The following HPGD variants were observed in gnomAD, a reference collection of about 807,000 sequenced individuals.
The protein encoded by HPGD is 15-hydroxyprostaglandin dehydrogenase [NAD(+)].
Under a neutral mutation model 30.0 loss-of-function variants are expected in HPGD, and 29 were observed. That is an observed-to-expected ratio of 0.97 (90% CI 0.72 to 1.32). HPGD has a LOEUF of 1.32. Among genes scored for constraint, HPGD ranks in the 40% most tolerant of loss-of-function variants. The pLI, the probability that HPGD is intolerant of heterozygous loss-of-function variation, is 0.00. For synonymous variants in HPGD, 99 were observed against 112.4 expected (o/e 0.88, Z 0.75); for missense variants, 340 against 322.1 (o/e 1.06, Z -0.43).
chr4:174,505,361 GA>G (rs45559340), intron 4 of HPGD, among the ~76,000 whole-genome samples: 6 of 150,944 alleles, frequency 4.0e-5, no homozygotes, highest in South Asian at 4.2e-4. Context: ...AGAAAAACAG[GA>G]AAAAAAAATC....
chr4:174,490,946 C>A lies in HPGD; in HGVS notation c.*1010G>T, dbSNP rs577623157. The stretch of plus-strand genomic sequence containing the variant: ...ATAGCTGACAACAAAAAAAGCAAAA[C>A]CTCACAGCTATTTTTATGTCTGTGT... On this transcript the variant is annotated 3_prime_UTR_variant, in exon 7 of 7. Coordinates refer to ENST00000296522, the MANE Select transcript of HPGD (RefSeq NM_000860.6). This position sits in a 1 kb window ranked among gnomAD's most constrained non-coding sequence, Gnocchi z 4.4. 5 of 152,308 alleles carry A rather than the reference C, an allele frequency of 3.3e-5. No homozygotes were observed. The East Asian group carries it at 9.4e-4, about 29-fold the overall frequency. The allele number at this position is 152,308 out of a possible 1,614,324, so 9.4% of individuals were successfully genotyped here.
Position 174,502,444 on chromosome 4 carries a change from C to T in HPGD, c.421+6252G>A, listed in dbSNP as rs559066055. On this transcript the variant is annotated intron_variant, in intron 4 of 6. Transcript: ENST00000296522. ...CTGTAATCCCAGCACTTTGGGAGGC[C>T]GAGGTGGGCGGATCACGAGGTCAGG... Among the ~76,000 whole-genome samples, 5 of 151,976 alleles carry T rather than the reference C, an allele frequency of 3.3e-5. 1 individual carries two copies. In the South Asian group the frequency reaches 8.3e-4, roughly 25 times the overall value.
chr4:174,504,637 G>A lies in HPGD; in HGVS notation c.421+4059C>T, dbSNP rs45616940. On this transcript the variant is annotated intron_variant, in intron 4 of 6. Coordinates refer to ENST00000296522, the MANE Select transcript of HPGD (RefSeq NM_000860.6). ...AGCCTGGCTAGCATGATGAAATCCC[G>A]TTTCTACTAAAAATACAAAAAAAAA... Among the ~76,000 whole-genome samples the A allele has an allele frequency of 4.2e-3, 629 of 148,876 alleles. 7 individuals are homozygous for A. The highest frequency in any genetic ancestry group is 0.015 in the African/African-American group (599 of 39,884).
chr4:174,502,476 T>A (rs12640361), intron 4 of HPGD, among the ~76,000 whole-genome samples: 20,000 of 151,878 alleles, frequency 0.13, 1,692 homozygotes, highest in East Asian at 0.18. Flanking sequence ...CAGGAGATGG[T>A]GACCATCCTG....
At chr4:174,519,889 G>A (rs1275603735) in intron 2 of HPGD, among the ~76,000 whole-genome samples, 1 of 152,094 alleles carries the variant, frequency 6.6e-6, no homozygotes, top group African/African-American at 2.4e-5. Flanking sequence ...TGAAAGTCTC[G>A]ATCTCCTGAC....
Position 174,495,530 on chromosome 4 carries a change from C to A in HPGD, c.498+18G>T. The A allele has an allele frequency of 6.4e-7, 1 of 1,568,852 alleles. No homozygotes were observed. Among genetic ancestry groups the A allele is most frequent in the Non-Finnish European group, 8.8e-7 (1 of 1,138,862 alleles). On this transcript the variant is annotated intron_variant, in intron 5 of 6. Transcript: ENST00000296522. ...TGTACAAAGAGAAAATGAGATATGA[C>A]GGTTGTTGTAGCCTCACCGCTGCTG...
intron 3 of HPGD, among the ~76,000 whole-genome samples, chr4:174,509,515 GA>G (rs1293221123): frequency 2.6e-5 from 4 of 152,174 alleles, no homozygotes; most frequent in African/African-American, 9.7e-5. Context: ...ATGCTGCTGA[GA>G]AATTTTTTGT....
chr4:174,508,325 A>C, intron 4 of HPGD: 1 of 557,120 alleles, frequency 1.8e-6, no homozygotes, highest in Non-Finnish European at 3.2e-6. Context: ...TGTTACTAAA[A>C]TCACATGGGA....
At chr4:174,517,296 G>A (rs1460568960) in intron 3 of HPGD, among the ~76,000 whole-genome samples, 1 of 152,024 alleles carries the variant, frequency 6.6e-6, no homozygotes, top group Non-Finnish European at 1.5e-5. Context: ...ACACACACAC[G>A]AACCACGAAC....
chr4:174,496,486 T>A lies in HPGD; in HGVS notation c.422-862A>T, dbSNP rs1213296097. On this transcript the variant is annotated intron_variant, in intron 4 of 6. Transcript: ENST00000296522. This position sits in a 1 kb window ranked among gnomAD's most constrained non-coding sequence, Gnocchi z 4.6. ...AAAACCTATTTTACTCTAGTAACTA[T>A]TATTATCAAGCTTATTTCTCAAAAT... Among the ~76,000 whole-genome samples, 7 of 152,208 alleles carry A rather than the reference T, an allele frequency of 4.6e-5. No homozygotes were observed. Among genetic ancestry groups the A allele is most frequent in the Non-Finnish European group, 8.8e-5 (6 of 68,030 alleles).
chr4:174,500,342 C>A (rs565620216), intron 4 of HPGD, among the ~76,000 whole-genome samples: 125 of 152,304 alleles, frequency 8.2e-4, no homozygotes, highest in African/African-American at 2.9e-3. Context: ...CTTTGGAAGA[C>A]AATTTAGCAA....
rs886059252 is a variant in HPGD, at chr4:174,491,799, T to C, written c.*157A>G. 3.3e-5 allele frequency: 22 copies of C among 665,196 alleles called. No homozygotes were observed. Among genetic ancestry groups the C allele is most frequent in the East Asian group, 2.1e-4 (8 of 37,500 alleles). The allele number at this position is 665,196 out of a possible 1,614,324, so 41.2% of individuals were successfully genotyped here. On this transcript the variant is annotated 3_prime_UTR_variant, in exon 7 of 7. Coordinates refer to ENST00000296522, the MANE Select transcript of HPGD (RefSeq NM_000860.6). ...TTAATAGTTCATAACTTTTTATCCA[T>C]ATACTTAACTAAAAATTTAGAAAAC... is the stretch of plus-strand genomic sequence containing the variant.
chr4:174,508,629 AG>A, intron 4 of HPGD, 66 bp downstream of exon 4: 1 of 894,142 alleles, frequency 1.1e-6, no homozygotes, highest in South Asian at 1.3e-5. Context: ...TATGCTTTGA[AG>A]ATTTGTTTTT....
intron 4 of HPGD, among the ~76,000 whole-genome samples, chr4:174,501,251 GT>G (rs902902611): frequency 2.6e-5 from 4 of 151,914 alleles, no homozygotes; most frequent in African/African-American, 9.7e-5. Context: ...ACTAATATGG[GT>G]TTTTTTTAAT....
rs1440947101 is a variant in HPGD, at chr4:174,492,412, T to C, written c.663-318A>G. Among the ~76,000 whole-genome samples the C allele has an allele frequency of 6.6e-6, 1 of 152,054 alleles. No individual in the cohort carries two copies. Among genetic ancestry groups the C allele is most frequent in the Non-Finnish European group, 1.5e-5 (1 of 67,908 alleles). The stretch of plus-strand genomic sequence containing the variant: ...TTTCACTGAGCAAATGATCATTTTC[T>C]CATCTTTATCGTATCAGTAGATCTT... On this transcript the variant is annotated intron_variant, in intron 6 of 6. Transcript: ENST00000296522. This position sits in a 1 kb window ranked among gnomAD's most constrained non-coding sequence, Gnocchi z 4.9.
At chr4:174,511,907 A>G (rs1735524064) in intron 3 of HPGD, among the ~76,000 whole-genome samples, 1 of 152,240 alleles carries the variant, frequency 6.6e-6, no homozygotes, top group Non-Finnish European at 1.5e-5. Context: ...CGGTCTCCCA[A>G]AGTGCTGGGA....
At chr4:174,514,834 C>G (rs1279219155) in intron 3 of HPGD, among the ~76,000 whole-genome samples, 1 of 152,026 alleles carries the variant, frequency 6.6e-6, no homozygotes, top group African/African-American at 2.4e-5. Context: ...GATACATAAC[C>G]AATGTACAAA....
chr4:174,512,937 G>A (rs1735585166), intron 3 of HPGD, among the ~76,000 whole-genome samples: 2 of 152,302 alleles, frequency 1.3e-5, no homozygotes, highest in East Asian at 1.9e-4. Flanking sequence ...CTCAGAGCAG[G>A]TATTCACACA....
chr4:174,491,709 C>A lies in HPGD; in HGVS notation c.*247G>T. On this transcript the variant is annotated 3_prime_UTR_variant, in exon 7 of 7. Coordinates refer to ENST00000296522, the MANE Select transcript of HPGD (RefSeq NM_000860.6). ...AGAATATTGAATATTCCTTGAAAAT[C>A]ATTTGTTTTGATCATTTTTTAGACT... is the stretch of plus-strand genomic sequence containing the variant. The A allele has an allele frequency of 2.3e-6, 1 of 441,728 alleles. No individual in the cohort carries two copies. The highest frequency in any genetic ancestry group is 2.8e-5 in the South Asian group (1 of 35,802). The allele number at this position is 441,728 out of a possible 1,614,324, so 27.4% of individuals were successfully genotyped here.
Sources: allele counts gnomAD v4.1 joint callset (sites outside exome capture counted in the v4.1 genomes callset), GRCh38; gene constraint gnomAD v4.1.1; non-coding constraint Gnocchi (gnomAD v3.1); transcripts MANE v1.5; gene names NCBI Gene and HGNC (gene_info 2026-07-23, HGNC 2026-07-21).